Variants in XYLB observed in about 807,000 individuals in gnomAD.
The protein encoded by XYLB is xylulokinase.
Under a neutral mutation model 78.7 loss-of-function variants are expected in XYLB, and 62 were observed. The ratio of observed to expected loss-of-function variants is 0.79; its 90% confidence interval spans 0.64 to 0.97. The LOEUF is 0.97. Ranked by LOEUF, XYLB falls within the 50% of genes least tolerant of loss-of-function variation. The pLI, the probability that XYLB is intolerant of heterozygous loss-of-function variation, is 0.00. For synonymous variants in XYLB, 245 were observed against 247.4 expected (o/e 0.99, Z 0.09); for missense variants, 687 against 676.8 (o/e 1.02, Z -0.17).
At chr3:38,362,539 G>A (rs1039080569) in intron 3 of XYLB, among the ~76,000 whole-genome samples, 4 of 152,206 alleles carry the variant, frequency 2.6e-5, no homozygotes, top group Admixed American at 6.5e-5. Context: ...GCATGCACCC[G>A]TAGTTCCAGC....
the XYLB span, among the ~76,000 whole-genome samples, chr3:38,437,002 T>TAAAAAA: frequency 2.4e-4 from 24 of 99,022 alleles, no homozygotes; most frequent in African/African-American, 9.4e-4. Flanking sequence ...AGACTCCTTC[T>TAAAAAA]AAAAATAATA....
chr3:38,348,690 C>T (rs1705200869), intron 2 of XYLB, 58 bp downstream of exon 2: 1 of 1,538,712 alleles, frequency 6.5e-7, no homozygotes. Flanking sequence ...GGTCCTCCCG[C>T]AAACTTTTGT....
intron 6 of XYLB, 121 bp downstream of exon 6, chr3:38,365,857 G>A: frequency 7.1e-7 from 1 of 1,400,226 alleles, no homozygotes; most frequent in African/African-American, 1.4e-5. Flanking sequence ...GCCAGCAACA[G>A]GCACTCTGGC....
At chr3:38,412,866 T>C (rs1708652140) in intron 18 of XYLB, 70 bp from the exon 19 acceptor site, 1 of 1,366,392 alleles carries the variant, frequency 7.3e-7, no homozygotes, top group South Asian at 1.4e-5. Flanking sequence ...AAATTTTAAA[T>C]TGCAAAGTGC....
chr3:38,438,794 T>G, the XYLB span, among the ~76,000 whole-genome samples: 15 of 152,354 alleles, frequency 9.8e-5, no homozygotes, highest in Admixed American at 5.9e-4. Flanking sequence ...CCTGCCCCTG[T>G]CCTGCTGATT....
At chr3:38,399,664 G>A (rs189869161) in intron 17 of XYLB, among the ~76,000 whole-genome samples, 53 of 152,316 alleles carry the variant, frequency 3.5e-4, no homozygotes, top group African/African-American at 1.2e-3. Context: ...GTGGAAGTGG[G>A]AAAGGAGTTT....
chr3:38,355,918 TTAAC>T, intron 2 of XYLB: 2 of 627,170 alleles, frequency 3.2e-6, no homozygotes. Flanking sequence ...GTGTTTTTCC[TTAAC>T]TAATATAATT....
At chr3:38,397,032 G>A (rs1052190813) in intron 16 of XYLB, 40 bp from the exon 17 acceptor site, 1 of 1,602,486 alleles carries the variant, frequency 6.2e-7, no homozygotes. Context: ...TTCCCTCTGA[G>A]GAATGGCTCA....
intron 18 of XYLB, among the ~76,000 whole-genome samples, chr3:38,404,486 C>G (rs1194190805): frequency 6.6e-6 from 1 of 152,202 alleles, no homozygotes; most frequent in East Asian, 1.9e-4. Context: ...CCAGCTGCAC[C>G]AAGAGTAGGC....
intron 2 of XYLB, among the ~76,000 whole-genome samples, chr3:38,352,241 G>C (rs1041158257): frequency 6.6e-6 from 1 of 151,568 alleles, no homozygotes; most frequent in African/African-American, 2.4e-5. Flanking sequence ...GTCTGGCTCT[G>C]TCGCGCAGGC....
the XYLB span, among the ~76,000 whole-genome samples, chr3:38,441,368 A>C: frequency 6.6e-6 from 1 of 152,232 alleles, no homozygotes; most frequent in African/African-American, 2.4e-5. Context: ...GTACTGTTAC[A>C]TCACTAACTA....
chr3:38,399,064 AC>A (rs1314125338), intron 17 of XYLB, among the ~76,000 whole-genome samples: 33 of 152,128 alleles, frequency 2.2e-4, no homozygotes, highest in African/African-American at 7.7e-4. Context: ...ACAAAAAAAA[AC>A]AAACTTCTTC....
At chr3:38,381,832 G>A (rs1007863907) in intron 15 of XYLB, among the ~76,000 whole-genome samples, 3 of 152,222 alleles carry the variant, frequency 2.0e-5, no homozygotes, top group Non-Finnish European at 4.4e-5. Context: ...AACTTCATTA[G>A]CAATTTTAAT....
intron 15 of XYLB, among the ~76,000 whole-genome samples, chr3:38,391,146 G>A (rs895859242): frequency 6.6e-5 from 10 of 152,004 alleles, no homozygotes; most frequent in African/African-American, 1.5e-4. Context: ...CCCAGGAGGC[G>A]GAGGTTGCAG....
rs373645316 is a variant in XYLB at position 38,376,152 on chromosome 3, G to A, written c.1040G>A (p.Arg347His). 3.0e-5 allele frequency: 48 copies of A among 1,613,932 alleles called. No homozygotes were observed. Among genetic ancestry groups the A allele is most frequent in the Middle Eastern group, 1.6e-4 (1 of 6,084 alleles). The change falls in exon 13 of 19, where the codon CGC becomes CAC. Residue 347 changes from arginine (R) to histidine (H), a missense_variant. By Grantham distance (29) the Arg-to-His change is conservative. Transcript: ENST00000207870. ...KNGSLMREKI[R>H]NESVSRSWSD... Reference sequence around the variant, plus strand: ...GGCTCCCTCATGAGAGAGAAGATCCGCAACGAGTCTGTATCCCGTTCCTGG... The same window carrying A: ...GGCTCCCTCATGAGAGAGAAGATCCACAACGAGTCTGTATCCCGTTCCTGG...
the XYLB span, among the ~76,000 whole-genome samples, chr3:38,439,559 G>A: frequency 2.6e-5 from 4 of 152,068 alleles, no homozygotes; most frequent in Non-Finnish European, 5.9e-5. Context: ...TCAGGAGATC[G>A]AGACCAACCT....
intron 15 of XYLB, 33 bp downstream of exon 15, chr3:38,379,375 G>T: frequency 3.7e-6 from 6 of 1,610,776 alleles, no homozygotes; most frequent in Non-Finnish European, 5.1e-6. Flanking sequence ...GTGTCCCGGG[G>T]TGGGGGCTCA....
At chr3:38,402,058 C>T (rs553476970) in intron 18 of XYLB, among the ~76,000 whole-genome samples, 4 of 152,064 alleles carry the variant, frequency 2.6e-5, no homozygotes, top group Non-Finnish European at 5.9e-5. Context: ...GAAGCATGAG[C>T]TTCATGCTTG....
At chr3:38,381,820 G>A (rs543754805) in intron 15 of XYLB, among the ~76,000 whole-genome samples, 7 of 152,312 alleles carry the variant, frequency 4.6e-5, no homozygotes, top group South Asian at 2.1e-4. Flanking sequence ...AATGGTGCCC[G>A]AAACTTCATT....
Sources: gnomAD v4.1 joint callset for allele counts (sites outside exome capture counted in the v4.1 genomes callset) on GRCh38, gnomAD v4.1.1 for gene constraint, MANE v1.5 for transcripts, NCBI Gene and HGNC (gene_info 2026-07-23, HGNC 2026-07-21) for gene names.